The following RAB11FIP1 variants were observed in gnomAD, a reference collection of about 807,000 sequenced individuals.
RAB11FIP1 encodes the protein RAB11 family interacting protein 1.
A neutral mutation model predicts 83.1 loss-of-function variants in RAB11FIP1; 49 were observed. The observed-to-expected ratio is 0.59, with a 90% CI of 0.47 to 0.75. The LOEUF is 0.75. Among genes scored for constraint, RAB11FIP1 ranks in the 30% least tolerant of loss-of-function variants. RAB11FIP1 has a pLI of 0.00. For missense variants in RAB11FIP1, 1,536 were observed against 1,598.7 expected (o/e 0.96, Z 0.67); for synonymous variants, 670 against 656.0 (o/e 1.02, Z -0.33).
At chr8:37,870,570 G>A (rs1162921595) in intron 4 of RAB11FIP1, 42 bp from the exon 5 acceptor site, 22 of 1,122,716 alleles carry the variant, frequency 2.0e-5, no homozygotes, top group Non-Finnish European at 2.8e-5. Context: ...CTCCGGTCAT[G>A]GCAAAACTGA....
At chr8:37,863,686 CTGTT>C (rs1022373127) in intron 5 of RAB11FIP1, among the ~76,000 whole-genome samples, 26 of 152,156 alleles carry the variant, frequency 1.7e-4, no homozygotes, top group African/African-American at 5.1e-4. Context: ...GTTTTTTGGT[CTGTT>C]TGTTTTGTTT....
chr8:37,890,350 C>T (rs1238193377), intron 1 of RAB11FIP1, among the ~76,000 whole-genome samples: 1 of 152,162 alleles, frequency 6.6e-6, no homozygotes, highest in African/African-American at 2.4e-5. Flanking sequence ...GTGGCAGTCA[C>T]ACCTCTAGAA....
At chr8:37,885,659 G>A (rs368517896) in intron 1 of RAB11FIP1, among the ~76,000 whole-genome samples, 1 of 152,192 alleles carries the variant, frequency 6.6e-6, no homozygotes, top group Admixed American at 6.5e-5. Context: ...AAAAGAATGA[G>A]CTAAATACAA....
Position 37,899,270 on chromosome 8 carries a change from C to G in RAB11FIP1, c.172G>C (p.Glu58Gln). The change falls in exon 1 of 6, where the codon GAG (glutamate) becomes CAG (glutamine). Residue 58 changes from glutamate (E) to glutamine (Q), a missense_variant. Transcript: ENST00000330843. The surrounding 1 kb of genome is among the most constrained non-coding windows in gnomAD (Gnocchi z 4.5). ...CACACGGGCGCGCCCAGGCTGCGCT[C>G]CGACACGGAGGTGGCGTACTTCTCC... ...GKEKYATSVS[E>Q]RSLGAPVWRE... 1 of 1,607,198 alleles carries G rather than the reference C, an allele frequency of 6.2e-7. No individual in the cohort carries two copies. The highest frequency in any genetic ancestry group is 8.5e-7 in the Non-Finnish European group (1 of 1,178,330).
At chr8:37,869,998 C>A (rs1026970969) in intron 5 of RAB11FIP1, among the ~76,000 whole-genome samples, 4 of 152,034 alleles carry the variant, frequency 2.6e-5, no homozygotes, top group Non-Finnish European at 4.4e-5. Flanking sequence ...AAGAAAATAC[C>A]TGACCTGAAT....
intron 1 of RAB11FIP1, among the ~76,000 whole-genome samples, chr8:37,887,584 T>C (rs1385862608): frequency 1.3e-5 from 2 of 151,670 alleles, no homozygotes; most frequent in African/African-American, 2.4e-5. Context: ...AATCTGACCA[T>C]TGCCTTTTTA....
Position 37,872,123 on chromosome 8 carries a change from ACT to A in RAB11FIP1, c.2677_2678del (p.Ser893PhefsTer8). ...CTTCACTCATGGGGACTTCGGAGAA[ACT>A]CTCCTCCTGGGAGGGGAGGAGGAGG... is the stretch of plus-strand genomic sequence containing the variant. The part of the protein sequence containing the change: ...DHLLLPSQEE[S>X]FSEVPMSEAS... On this transcript the variant is annotated frameshift_variant, in exon 4 of 6. Transcript: ENST00000330843. LOFTEE classifies it high-confidence loss of function. The A allele has an allele frequency of 6.2e-7, 1 of 1,613,632 alleles. No individual in the cohort carries two copies. The highest frequency in any genetic ancestry group is 1.1e-5 in the South Asian group (1 of 91,048).
chr8:37,863,598 T>C (rs749057918), intron 5 of RAB11FIP1, among the ~76,000 whole-genome samples: 11 of 152,194 alleles, frequency 7.2e-5, no homozygotes, highest in Non-Finnish European at 1.3e-4. Flanking sequence ...ACTGATGAAG[T>C]CTTCTGGAAA....
Position 37,872,406 on chromosome 8 carries a change from C to A in RAB11FIP1, c.2396G>T (p.Arg799Leu), listed in dbSNP as rs201398292. Reference protein sequence around the residue: ...RKLEEMGLNLRKDQKKTKKRV... With the variant: ...RKLEEMGLNLLKDQKKTKKRV... ...CTTCTTGGTTTTCTTCTGGTCCTTG[C>A]GGAGGTTCAGACCCATCTCTTCCAG... The change falls in exon 4 of 6, where the codon CGC becomes CTC. Residue 799 changes from arginine to leucine, a missense_variant. Coordinates refer to ENST00000330843, the MANE Select transcript of RAB11FIP1 (RefSeq NM_001002814.3). The A allele has an allele frequency of 1.9e-6, 3 of 1,614,148 alleles. No homozygotes were observed. The highest frequency in any genetic ancestry group is 1.1e-5 in the South Asian group (1 of 91,076).
In RAB11FIP1 at chr8:37,872,625, A is replaced by G. The variant is rs1806499783; in HGVS notation, c.2177T>C (p.Val726Ala). The G allele has an allele frequency of 6.2e-7, 1 of 1,614,068 alleles. No individual in the cohort carries two copies. Among genetic ancestry groups the G allele is most frequent in the African/African-American group, 1.3e-5 (1 of 74,918 alleles). ...YSPSSGEAQE[V>A]PFALSLSSDG... The stretch of plus-strand genomic sequence containing the variant: ...ACTGCTGAGTGAAAGGGCAAACGGT[A>G]CTTCCTGGGCTTCTCCAGATGATGG... The change falls in exon 4 of 6, where the codon GTA (valine) becomes GCA (alanine). Residue 726 changes from valine to alanine, a missense_variant. Transcript: ENST00000330843.
At chr8:37,885,992 G>A (rs553740554) in intron 1 of RAB11FIP1, among the ~76,000 whole-genome samples, 1 of 152,316 alleles carries the variant, frequency 6.6e-6, no homozygotes, top group Admixed American at 6.5e-5. Flanking sequence ...TCACGATTAC[G>A]CTGGTAAAGG....
At chr8:37,871,257 A>G (rs867424215) in intron 4 of RAB11FIP1, 21 bp downstream of exon 4, 1 of 1,579,156 alleles carries the variant, frequency 6.3e-7, no homozygotes, top group East Asian at 2.2e-5. Context: ...ATTTACATAG[A>G]CAATCTCCCC....
chr8:37,885,000 T>G (rs1269252686), intron 1 of RAB11FIP1, among the ~76,000 whole-genome samples: 1 of 131,890 alleles, frequency 7.6e-6, no homozygotes, highest in African/African-American at 3.9e-5. Context: ...TTTTAATTGT[T>G]TTTTTTTTTT....
intron 5 of RAB11FIP1, among the ~76,000 whole-genome samples, chr8:37,865,712 A>T (rs574263343): frequency 3.4e-4 from 52 of 152,214 alleles, no homozygotes; most frequent in Non-Finnish European, 6.0e-4. Context: ...CATTTTTTCC[A>T]TCATAACATT....
rs1473409064 is a variant in RAB11FIP1 at position 37,862,237 on chromosome 8, AG to A, written c.*657del. 6.6e-6 allele frequency: 1 copy of A among 152,486 alleles called. No homozygotes were observed. Among genetic ancestry groups the A allele is most frequent in the Non-Finnish European group, 1.5e-5 (1 of 68,232 alleles). 9.4% of individuals were successfully genotyped at this position (152,486 alleles called of 1,614,324 possible). A position where few individuals can be genotyped will look rare whatever the true frequency, so the allele number is the denominator to read the frequency against. On this transcript the variant is annotated 3_prime_UTR_variant, in exon 6 of 6. Coordinates refer to ENST00000330843, the MANE Select transcript of RAB11FIP1 (RefSeq NM_001002814.3). ...CTGGATCTAAGCAGAAGGTATTTTA[AG>A]GCTAGAGAGTAGTAGAAGTCGATGT...
intron 1 of RAB11FIP1, among the ~76,000 whole-genome samples, chr8:37,886,479 G>C (rs1193315203): frequency 6.6e-6 from 1 of 152,210 alleles, no homozygotes; most frequent in East Asian, 1.9e-4. Flanking sequence ...AGGACCACCA[G>C]CTCTCTGGGT....
At position 37,871,092 on chromosome 8, in the gene RAB11FIP1, T is replaced by C. The variant is rs573250761; in HGVS notation, c.3524+186A>G. On this transcript the variant is annotated intron_variant, in intron 4 of 5. Coordinates refer to ENST00000330843, the MANE Select transcript of RAB11FIP1 (RefSeq NM_001002814.3). ...GCTATATTTACAGACTACTATTATGTTCTTGCTATAAACGCAGCAGTGTCT... is the reference window on the plus strand; with the variant it reads ...GCTATATTTACAGACTACTATTATGCTCTTGCTATAAACGCAGCAGTGTCT... 6.7e-4 allele frequency: 453 copies of C among 678,464 alleles called. 4 individuals are homozygous for C. Among genetic ancestry groups the C allele is most frequent in the South Asian group, 5.0e-3 (244 of 48,712 alleles). 42.0% of individuals were successfully genotyped at this position (678,464 alleles called of 1,614,324 possible).
At chr8:37,867,376 A>G (rs1488580654) in intron 5 of RAB11FIP1, among the ~76,000 whole-genome samples, 2 of 152,224 alleles carry the variant, frequency 1.3e-5, no homozygotes, top group Non-Finnish European at 2.9e-5. Flanking sequence ...TTTGAGACCA[A>G]TGCTTACCAC....
At chr8:37,864,250 G>A (rs1806299436) in intron 5 of RAB11FIP1, among the ~76,000 whole-genome samples, 1 of 152,214 alleles carries the variant, frequency 6.6e-6, no homozygotes, top group South Asian at 2.1e-4. Flanking sequence ...CAGCATTTAT[G>A]ATCTGGGGCC....
Sources: gnomAD v4.1 joint callset for allele counts (sites outside exome capture counted in the v4.1 genomes callset) on GRCh38, gnomAD v4.1.1 for gene constraint, Gnocchi (gnomAD v3.1) non-coding constraint, MANE v1.5 for transcripts, NCBI Gene and HGNC (gene_info 2026-07-23, HGNC 2026-07-21) for gene names.